Variants in RBM19 observed in about 807,000 individuals in gnomAD.
RBM19 encodes probable RNA-binding protein 19.
A neutral mutation model predicts 116.8 loss-of-function variants in RBM19; 94 were observed. The ratio of observed to expected loss-of-function variants is 0.80; its 90% CI spans 0.68 to 0.95. The LOEUF is 0.95. RBM19 is among the 40% of genes least tolerant of loss of function. RBM19 has a pLI of 0.00. For synonymous variants in RBM19, 475 were observed against 494.1 expected (o/e 0.96, Z 0.51); for missense variants, 1,161 against 1,220.7 (o/e 0.95, Z 0.73).
chr12:113,842,571 C>T (rs1009234261), intron 23 of RBM19, among the ~76,000 whole-genome samples: 3 of 152,208 alleles, frequency 2.0e-5, no homozygotes, highest in South Asian at 2.1e-4. Context: ...CACGGGGGAC[C>T]CAGGGAAGAA....
At position 113,927,657 on chromosome 12, in the gene RBM19, A is replaced by C. The variant is rs140044487; in HGVS notation, c.2069-428T>G. On this transcript the variant is annotated intron_variant, in intron 16 of 23. Transcript: ENST00000261741. The stretch of plus-strand genomic sequence containing the variant: ...AACTTTCAAACTAAAATGCAACTTA[A>C]AACTTTTAAAAAATTACAGAATGGG... 4.6e-3 allele frequency among the ~76,000 whole-genome samples: 704 copies of C among 152,264 alleles called. 6 individuals are homozygous for C. The highest frequency in any genetic ancestry group is 0.016 in the African/African-American group (651 of 41,556).
At chr12:113,900,366 C>T (rs1257377925) in intron 21 of RBM19, among the ~76,000 whole-genome samples, 2 of 152,174 alleles carry the variant, frequency 1.3e-5, no homozygotes, top group Non-Finnish European at 2.9e-5. Context: ...TTATCAAAGA[C>T]GCTGGCCCCA....
intron 21 of RBM19, among the ~76,000 whole-genome samples, chr12:113,862,882 G>T (rs1232929692): frequency 6.6e-6 from 1 of 152,120 alleles, no homozygotes; most frequent in African/African-American, 2.4e-5. Context: ...TCACACTTCG[G>T]TAACAAACTC....
chr12:113,966,260 C>CGACT lies in RBM19; in HGVS notation c.-37_-34dup. On this transcript the variant is annotated 5_prime_UTR_variant, in exon 1 of 24. Transcript: ENST00000261741. ...GGTCCCCGCTGTTTTGATTCCAACACGACTGGTCAGCGTCTTCCACCAAGT... is the reference window on the plus strand; with the variant it reads ...GGTCCCCGCTGTTTTGATTCCAACACGACTGACTGGTCAGCGTCTTCCACCAAGT... The CGACT allele has an allele frequency of 6.2e-7, 1 of 1,613,778 alleles. No homozygotes were observed. The highest frequency in any genetic ancestry group is 2.2e-5 in the East Asian group (1 of 44,842).
chr12:113,904,356 T>C (rs1345328764), intron 21 of RBM19, among the ~76,000 whole-genome samples: 1 of 152,200 alleles, frequency 6.6e-6, no homozygotes, highest in East Asian at 1.9e-4. Flanking sequence ...GAATTCATAA[T>C]AGGAAAGACA....
chr12:113,838,471 C>A (rs1014230406), intron 23 of RBM19, among the ~76,000 whole-genome samples: 1 of 152,216 alleles, frequency 6.6e-6, no homozygotes, highest in Non-Finnish European at 1.5e-5. Context: ...ATGGGGAGAG[C>A]ATGCATACTC....
At chr12:113,888,828 G>A (rs1349820146) in intron 21 of RBM19, among the ~76,000 whole-genome samples, 1 of 152,150 alleles carries the variant, frequency 6.6e-6, no homozygotes, top group Admixed American at 6.5e-5. Flanking sequence ...AGGACCAAAG[G>A]GATATTAGAG....
chr12:113,929,330 G>A (rs556755243), intron 16 of RBM19, among the ~76,000 whole-genome samples: 3 of 152,278 alleles, frequency 2.0e-5, no homozygotes, highest in Non-Finnish European at 2.9e-5. Flanking sequence ...AACAGCTACC[G>A]TGATAATGCT....
rs574772790 is a variant in RBM19, at chr12:113,960,696, C to A, written c.220-518G>T. On this transcript the variant is annotated intron_variant, in intron 2 of 23. Transcript: ENST00000261741. The stretch of plus-strand genomic sequence containing the variant: ...GACCTGGGCCAAGCACTCAACCAGG[C>A]TCTGGGCAGGGTAATGTGGGGCAGT... Among the ~76,000 whole-genome samples, 23 of 152,300 alleles carry A rather than the reference C, an allele frequency of 1.5e-4. 2 individuals are homozygous for A. The South Asian group carries it at 3.9e-3, about 26-fold the overall frequency.
At chr12:113,872,409 C>G (rs1167385913) in intron 21 of RBM19, among the ~76,000 whole-genome samples, 1 of 147,618 alleles carries the variant, frequency 6.8e-6, no homozygotes, top group Non-Finnish European at 1.5e-5. Flanking sequence ...GGTCAGCCCT[C>G]CGCCCGGCCA....
chr12:113,818,745 C>T (rs531188408), downstream of RBM19, among the ~76,000 whole-genome samples: 11 of 152,324 alleles, frequency 7.2e-5, no homozygotes, highest in South Asian at 8.3e-4. Context: ...GAGATTCTAA[C>T]GCAGGCCTTT....
At chr12:113,927,610 A>AAC (rs1555242331) in intron 16 of RBM19, among the ~76,000 whole-genome samples, 17 of 147,184 alleles carry the variant, frequency 1.2e-4, no homozygotes, top group African/African-American at 4.3e-4. Flanking sequence ...AAAAACAAAA[A>AAC]AAAAAAAACC....
Position 113,937,057 on chromosome 12 carries a change from T to G in RBM19, c.2018A>C (p.Gln673Pro). 3 of 1,614,152 alleles carry G rather than the reference T, an allele frequency of 1.9e-6. No individual in the cohort carries two copies. The highest frequency in any genetic ancestry group is 2.5e-6 in the Non-Finnish European group (3 of 1,180,032). ...TTCCATGGGTTCTGAAGGTGTGTCT[T>G]GGAGCTTTTTCTTCTGTGGGGCTGT... Reference protein sequence around the residue: ...SSTAPQKKKLQDTPSEPMEKD... With the variant: ...SSTAPQKKKLPDTPSEPMEKD... Residue 673 changes from glutamine (Q) to proline (P), a missense_variant, in exon 16 of 24, where the codon CAA (glutamine) becomes CCA (proline). By Grantham distance (76) the Gln-to-Pro change is moderately conservative. Transcript: ENST00000261741.
chr12:113,835,379 G>T (rs909906932), intron 23 of RBM19, among the ~76,000 whole-genome samples: 1 of 152,204 alleles, frequency 6.6e-6, no homozygotes, highest in Non-Finnish European at 1.5e-5. Flanking sequence ...AGGATAAAGT[G>T]TCACACGGAG....
At position 113,940,178 on chromosome 12, in the gene RBM19, A is replaced by G; in HGVS notation, c.1738-18T>C. 1 of 1,608,380 alleles carries G rather than the reference A, an allele frequency of 6.2e-7. No homozygotes were observed. The highest frequency in any genetic ancestry group is 8.5e-7 in the Non-Finnish European group (1 of 1,176,184). ...GCTGCAGCCTGCAAAGAGGAAATGC[A>G]CACACATGGGACCACAGGAGGGAGG... is the stretch of plus-strand genomic sequence containing the variant. On this transcript the variant is annotated intron_variant, in intron 14 of 23. Transcript: ENST00000261741.
intron 22 of RBM19, among the ~76,000 whole-genome samples, chr12:113,850,131 GC>G (rs1266030617): frequency 6.6e-6 from 1 of 152,186 alleles, no homozygotes; most frequent in African/African-American, 2.4e-5. Flanking sequence ...CCCTACCTAT[GC>G]CTCCATAAAT....
chr12:113,917,901 G>C (rs559392900), intron 20 of RBM19, among the ~76,000 whole-genome samples: 36 of 152,318 alleles, frequency 2.4e-4, no homozygotes, highest in African/African-American at 8.4e-4. Context: ...GGGCAAATTG[G>C]TCTGCCTCCA....
chr12:113,890,750 G>T (rs911798733), intron 21 of RBM19, among the ~76,000 whole-genome samples: 5 of 152,210 alleles, frequency 3.3e-5, no homozygotes, highest in Admixed American at 2.6e-4. Context: ...TTCTCCCAAG[G>T]GATGCTGTGT....
At chr12:113,826,747 G>A (rs554984913) in intron 23 of RBM19, among the ~76,000 whole-genome samples, 1 of 152,228 alleles carries the variant, frequency 6.6e-6, no homozygotes, top group Non-Finnish European at 1.5e-5. Context: ...TGGCTCAGTC[G>A]ATGGTGCTGA....
Sources: allele counts gnomAD v4.1 joint callset (sites outside exome capture counted in the v4.1 genomes callset), GRCh38; gene constraint gnomAD v4.1.1; transcripts MANE v1.5; gene names NCBI Gene and HGNC (gene_info 2026-07-23, HGNC 2026-07-21).